Variants in CHN1 observed in about 807,000 individuals in gnomAD.
The protein encoded by CHN1 is N-chimaerin.
CHN1 carries 37 observed loss-of-function variants against 59.5 expected under a neutral mutation model. The observed-to-expected ratio is 0.62, with a 90% CI of 0.48 to 0.82. The LOEUF is 0.82. Ranked by LOEUF, CHN1 falls within the 40% of genes least tolerant of loss-of-function variation. The pLI is 0.00. For synonymous variants in CHN1, 206 were observed against 200.4 expected (o/e 1.03, Z -0.24); for missense variants, 469 against 571.0 (o/e 0.82, Z 1.82).
intron 3 of CHN1, among the ~76,000 whole-genome samples, chr2:174,926,498 T>C (rs977495756): frequency 1.3e-5 from 2 of 152,202 alleles, no homozygotes; most frequent in Admixed American, 6.5e-5. Context: ...TTTTATTCTG[T>C]TGACTTTCAC....
intron 5 of CHN1, among the ~76,000 whole-genome samples, chr2:174,910,842 G>A (rs1188212945): frequency 7.0e-6 from 1 of 142,898 alleles, no homozygotes; most frequent in Admixed American, 7.3e-5. Context: ...GGAGCTTGCA[G>A]TGAGCGGAGA....
At chr2:174,978,905 G>A (rs1226340506) in intron 1 of CHN1, among the ~76,000 whole-genome samples, 2 of 152,116 alleles carry the variant, frequency 1.3e-5, no homozygotes, top group African/African-American at 4.8e-5. Context: ...AACAAATCTA[G>A]ATCACCATCA....
At chr2:174,817,938 A>G (rs1280420793) in intron 8 of CHN1, among the ~76,000 whole-genome samples, 1 of 151,796 alleles carries the variant, frequency 6.6e-6, no homozygotes, top group Non-Finnish European at 1.5e-5. Context: ...CGCCCGGCCA[A>G]TTTTTTGTAT....
chr2:174,841,618 A>G (rs896308976), intron 7 of CHN1, among the ~76,000 whole-genome samples: 4 of 151,656 alleles, frequency 2.6e-5, no homozygotes, highest in African/African-American at 9.7e-5. Context: ...GTGTGTGTGC[A>G]TGTGTACAAC....
intron 3 of CHN1, among the ~76,000 whole-genome samples, chr2:174,932,178 T>C (rs1689368755): frequency 1.3e-5 from 2 of 152,218 alleles, no homozygotes. Flanking sequence ...GATAAGTCAC[T>C]ATGACAAATC....
At chr2:174,824,322 A>G in intron 8 of CHN1, 112 bp downstream of exon 8, 4 of 721,334 alleles carry the variant, frequency 5.5e-6, no homozygotes, top group Non-Finnish European at 8.7e-6. Context: ...CATGTGCATA[A>G]GACCAAACCA....
At chr2:174,880,603 A>G (rs1687702507) in intron 5 of CHN1, among the ~76,000 whole-genome samples, 1 of 152,222 alleles carries the variant, frequency 6.6e-6, no homozygotes, top group South Asian at 2.1e-4. Context: ...CTGCTTGCAG[A>G]CTGTCATTTA....
chr2:174,805,654 C>T (rs1318029218), intron 11 of CHN1, among the ~76,000 whole-genome samples: 1 of 152,148 alleles, frequency 6.6e-6, no homozygotes, highest in Non-Finnish European at 1.5e-5. Flanking sequence ...CTGGAAGGAT[C>T]TGGAAAATGT....
chr2:174,927,876 C>T (rs770161259), intron 3 of CHN1, among the ~76,000 whole-genome samples: 1 of 152,102 alleles, frequency 6.6e-6, no homozygotes, highest in Non-Finnish European at 1.5e-5. Flanking sequence ...TAGCACATTA[C>T]ATACATGAAA....
intron 5 of CHN1, among the ~76,000 whole-genome samples, chr2:174,896,120 T>TAA (rs35763321): frequency 4.2e-4 from 63 of 148,776 alleles, no homozygotes; most frequent in African/African-American, 1.5e-3. Context: ...AATCTAAAAT[T>TAA]AAAAAAAAAA....
chr2:174,894,209 A>G (rs1688140840), intron 5 of CHN1, among the ~76,000 whole-genome samples: 1 of 152,172 alleles, frequency 6.6e-6, no homozygotes, highest in Non-Finnish European at 1.5e-5. Context: ...TTTATAAGCC[A>G]TATTATCAGA....
chr2:174,853,749 T>C lies in CHN1; in HGVS notation c.550-6792A>G, dbSNP rs549985941. On this transcript the variant is annotated intron_variant, in intron 6 of 12. Coordinates refer to ENST00000409900, the MANE Select transcript of CHN1 (RefSeq NM_001822.7). ...AAGAAAATGTGGTACATACACACTA[T>C]GGTATACTATGCAGCCATTAAAAAA... 2.0e-5 allele frequency among the ~76,000 whole-genome samples: 3 copies of C among 152,304 alleles called. No homozygotes were observed. The East Asian group carries it at 5.8e-4, about 29-fold the overall frequency.
intron 1 of CHN1, among the ~76,000 whole-genome samples, chr2:174,988,463 C>A (rs1158638862): frequency 1.3e-5 from 2 of 151,978 alleles, no homozygotes; most frequent in African/African-American, 4.8e-5. Flanking sequence ...TCTACAACTT[C>A]CCAACTCTGT....
chr2:174,915,629 T>A (rs1250103087), intron 4 of CHN1, among the ~76,000 whole-genome samples: 6 of 152,240 alleles, frequency 3.9e-5, no homozygotes, highest in Admixed American at 3.9e-4. Flanking sequence ...TGGGTTGTCC[T>A]TAATTGGCAT....
intron 1 of CHN1, among the ~76,000 whole-genome samples, chr2:174,963,693 T>A (rs1389844307): frequency 2.0e-5 from 3 of 152,196 alleles, no homozygotes; most frequent in African/African-American, 7.2e-5. Flanking sequence ...TTCTTTCAAT[T>A]AAATACTCAG....
intron 1 of CHN1, among the ~76,000 whole-genome samples, chr2:174,977,030 T>C (rs1690967867): frequency 6.6e-6 from 1 of 152,214 alleles, no homozygotes; most frequent in Non-Finnish European, 1.5e-5. Context: ...TCTCCTTCTG[T>C]CCTTAGACAC....
intron 3 of CHN1, among the ~76,000 whole-genome samples, chr2:174,934,893 T>G (rs1203702451): frequency 6.6e-6 from 1 of 152,196 alleles, no homozygotes; most frequent in Non-Finnish European, 1.5e-5. Flanking sequence ...TCAGAACCAG[T>G]GTCTTGTAGG....
chr2:174,906,223 A>G (rs998452456), intron 5 of CHN1, among the ~76,000 whole-genome samples: 1 of 152,212 alleles, frequency 6.6e-6, no homozygotes, highest in Non-Finnish European at 1.5e-5. Flanking sequence ...AAAAAGTAGA[A>G]ACAACTCAAA....
At chr2:174,844,308 T>C (rs1179309856) in intron 7 of CHN1, among the ~76,000 whole-genome samples, 1 of 152,084 alleles carries the variant, frequency 6.6e-6, no homozygotes, top group Non-Finnish European at 1.5e-5. Context: ...GTCTGTAGGC[T>C]GAAGTTAGGT....
Sources: gnomAD v4.1 joint callset for allele counts (sites outside exome capture counted in the v4.1 genomes callset) on GRCh38, gnomAD v4.1.1 for gene constraint, MANE v1.5 for transcripts, NCBI Gene and HGNC (gene_info 2026-07-23, HGNC 2026-07-21) for gene names.